Variants in ARHGEF6 observed in about 807,000 individuals in gnomAD.
The protein encoded by ARHGEF6 is Rac/Cdc42 guanine nucleotide exchange factor 6, also known as rho guanine nucleotide exchange factor 6.
A neutral mutation model predicts 70.3 loss-of-function variants in ARHGEF6; 9 were observed. The ratio of observed to expected loss-of-function variants is 0.13; its 90% CI spans 0.08 to 0.22. The LOEUF is 0.22. Among genes scored for constraint, ARHGEF6 ranks in the 10% least tolerant of loss-of-function variants. The pLI is 1.00. For missense variants in ARHGEF6, 470 were observed against 563.0 expected, an observed-to-expected ratio of 0.83 and a Z score of 1.67; for synonymous variants, 201 against 207.8, an observed-to-expected ratio of 0.97 and a Z score of 0.28.
At chrX:136,762,939 G>T (rs925757932) in intron 2 of ARHGEF6, among the ~76,000 whole-genome samples, 3 of 111,869 alleles carry the variant, frequency 2.7e-5, no homozygotes, top group African/African-American at 9.8e-5. Flanking sequence ...AAAAAAGGCT[G>T]CCCTAACCAG....
chrX:136,676,797 A>T (rs745463498), intron 17 of ARHGEF6, 80 bp from the exon 18 acceptor site: 27 of 668,513 alleles, frequency 4.0e-5, no homozygotes, highest in Non-Finnish European at 6.3e-5. Flanking sequence ...ACTAAGTAGA[A>T]TTCCTCTCTC....
At chrX:136,722,554 C>A (rs2076809554) in intron 6 of ARHGEF6, among the ~76,000 whole-genome samples, 1 of 111,452 alleles carries the variant, frequency 9.0e-6, no homozygotes, top group Non-Finnish European at 1.9e-5. Flanking sequence ...AATAAGCATA[C>A]CCAACATCAT....
At chrX:136,762,540 C>G (rs2077273789) in intron 2 of ARHGEF6, among the ~76,000 whole-genome samples, 1 of 110,994 alleles carries the variant, frequency 9.0e-6, no homozygotes, top group Non-Finnish European at 1.9e-5. Context: ...CGTCCAGGCT[C>G]CAGTGCAGTG....
chrX:136,716,781 A>C (rs1218094679), intron 6 of ARHGEF6, among the ~76,000 whole-genome samples: 1 of 112,373 alleles, frequency 8.9e-6, no homozygotes, highest in Non-Finnish European at 1.9e-5. Flanking sequence ...GAAAGAATCA[A>C]AAAGCAATGC....
chrX:136,758,129 C>CAAG (rs2077229266), intron 2 of ARHGEF6, among the ~76,000 whole-genome samples: 1 of 88,547 alleles, frequency 1.1e-5, no homozygotes, highest in African/African-American at 4.2e-5. Flanking sequence ...CGGCTCACTA[C>CAAG]AAGCTCCGCC....
chrX:136,678,654 A>C, intron 16 of ARHGEF6, among the ~76,000 whole-genome samples: 1 of 111,761 alleles, frequency 8.9e-6, no homozygotes, highest in Non-Finnish European at 1.9e-5. Context: ...GGTTTCAATC[A>C]AAACACTCAA....
intron 5 of ARHGEF6, chrX:136,737,528 T>C (rs1766696963): frequency 1.3e-6 from 1 of 742,712 alleles, no homozygotes; most frequent in African/African-American, 2.4e-5. Context: ...AGACAAATTT[T>C]CCTAAGCTTA....
At chrX:136,686,625 CAT>C (rs796276387) in intron 11 of ARHGEF6, among the ~76,000 whole-genome samples, 6,826 of 54,739 alleles carry the variant, frequency 0.12, 338 homozygotes, top group Middle Eastern at 0.15. Context: ...TATATATACA[CAT>C]ATATATATAT....
chrX:136,767,729 C>A (rs2077332344), intron 2 of ARHGEF6: 1 of 753,475 alleles, frequency 1.3e-6, no homozygotes, highest in South Asian at 6.8e-5. Context: ...GCAGCCGGAG[C>A]CGAGCAGCGG....
intron 15 of ARHGEF6, among the ~76,000 whole-genome samples, 168 bp downstream of exon 15, chrX:136,680,563 C>T (rs765141923): frequency 2.9e-4 from 33 of 112,052 alleles, no homozygotes; most frequent in Non-Finnish European, 5.1e-4. Flanking sequence ...TTTGGATGGG[C>T]CTCATAATGA....
At chrX:136,779,690 T>C (rs953791290) in intron 1 of ARHGEF6, among the ~76,000 whole-genome samples, 193 bp from the exon 2 acceptor site, 1 of 111,878 alleles carries the variant, frequency 8.9e-6, no homozygotes, top group Non-Finnish European at 1.9e-5. Flanking sequence ...GTTTCAAATG[T>C]CACCAAACCT....
At chrX:136,696,586 C>G (rs1236120764) in intron 9 of ARHGEF6, among the ~76,000 whole-genome samples, 1 of 110,281 alleles carries the variant, frequency 9.1e-6, no homozygotes, top group Non-Finnish European at 1.9e-5. Context: ...TCACTGCACT[C>G]CAGCCTGGGT....
chrX:136,753,709 G>A (rs775785734), intron 2 of ARHGEF6, among the ~76,000 whole-genome samples: 3 of 112,310 alleles, frequency 2.7e-5, no homozygotes, highest in Non-Finnish European at 5.6e-5. Context: ...TCTCTCTGGT[G>A]AGCTAAATTA....
chrX:136,703,834 TTTAA>T (rs1285010684), intron 9 of ARHGEF6, among the ~76,000 whole-genome samples: 1 of 113,115 alleles, frequency 8.8e-6, no homozygotes, highest in Non-Finnish European at 1.9e-5. Flanking sequence ...TAAAGTATTC[TTTAA>T]TTAAGGAATG....
intron 9 of ARHGEF6, among the ~76,000 whole-genome samples, chrX:136,698,247 G>A (rs749072527): frequency 2.1e-4 from 23 of 111,295 alleles, no homozygotes; most frequent in Admixed American, 1.3e-3. Context: ...AAAGAAAAAC[G>A]AATACAGCCT....
chrX:136,679,185 T>C (rs1379491426), intron 16 of ARHGEF6, among the ~76,000 whole-genome samples: 1 of 112,324 alleles, frequency 8.9e-6, no homozygotes, highest in Admixed American at 9.4e-5. Flanking sequence ...GTCTGCTTCA[T>C]TGGCAACTCA....
intron 2 of ARHGEF6, among the ~76,000 whole-genome samples, chrX:136,768,205 C>T: frequency 8.9e-6 from 1 of 111,899 alleles, no homozygotes. Flanking sequence ...GATAACAGGC[C>T]CCAAATCAAA....
intron 5 of ARHGEF6, among the ~76,000 whole-genome samples, chrX:136,742,470 C>T (rs1032208147): frequency 2.7e-5 from 3 of 111,785 alleles, no homozygotes; most frequent in East Asian, 5.6e-4. Context: ...AGAAATAATG[C>T]GCTGAGCTAA....
In ARHGEF6 at chrX:136,667,241, G is replaced by A. The variant is rs905214329; in HGVS notation, c.*788C>T. Reference sequence around the variant, plus strand: ...AACCTATCATGCAATGGGAAAAGGCGGTCAACTCTGCTACTAAAAGGGAGG... The same window carrying A: ...AACCTATCATGCAATGGGAAAAGGCAGTCAACTCTGCTACTAAAAGGGAGG... On this transcript the variant is annotated 3_prime_UTR_variant, in exon 22 of 22. Coordinates refer to ENST00000250617, the MANE Select transcript of ARHGEF6 (RefSeq NM_004840.3). 4.5e-5 allele frequency: 5 copies of A among 112,204 alleles called. No individual in the cohort carries two copies. Among genetic ancestry groups the A allele is most frequent in the African/African-American group, 9.7e-5 (3 of 30,857 alleles). The allele number at this position is 112,204 out of a possible 1,213,427, so 9.2% of individuals were successfully genotyped here.
Sources: allele counts gnomAD v4.1 joint callset (sites outside exome capture counted in the v4.1 genomes callset), GRCh38; gene constraint gnomAD v4.1.1; transcripts MANE v1.5; gene names NCBI Gene and HGNC (gene_info 2026-07-23, HGNC 2026-07-21).